FSIP2: variants seen among roughly 807,000 people sequenced by gnomAD.
FSIP2 encodes the protein fibrous sheath-interacting protein 2.
FSIP2 carries 367 observed loss-of-function variants against 510.5 expected under a neutral mutation model. The observed-to-expected ratio is 0.72, with a 90% confidence interval of 0.66 to 0.78. The LOEUF (loss-of-function observed/expected upper bound fraction) is 0.78. Ranked by LOEUF, FSIP2 falls within the 30% of genes least tolerant of loss-of-function variation. FSIP2 has a pLI of 0.00. For missense variants in FSIP2, 7,594 were observed against 7,901.7 expected (o/e 0.96, Z 1.48); for synonymous variants, 2,601 against 2,732.2 (o/e 0.95, Z 1.50).
rs771652497 is a variant in FSIP2, at chr2:185,797,897, C to T, written c.10390+371C>T. Among the ~76,000 whole-genome samples the T allele has an allele frequency of 6.6e-5, 10 of 151,812 alleles. 1 individual carries two copies. The highest frequency in any genetic ancestry group is 1.7e-4 in the African/African-American group (7 of 41,434). ...GTAGAGACAGGGTTTTGCTATGTTG[C>T]GCAGGCTGGTCTCAAACTCCTGGCC... On this transcript the variant is annotated intron_variant, in intron 16 of 22. Coordinates refer to ENST00000424728, the MANE Select transcript of FSIP2 (RefSeq NM_173651.4).
Position 185,738,803 on chromosome 2 carries a change from CA to C in FSIP2, c.-91del. 6.5e-7 allele frequency: 1 copy of C among 1,535,952 alleles called. No individual in the cohort carries two copies. Among genetic ancestry groups the C allele is most frequent in the African/African-American group, 1.4e-5 (1 of 73,164 alleles). On this transcript the variant is annotated 5_prime_UTR_variant, in exon 1 of 23. Coordinates refer to ENST00000424728, the MANE Select transcript of FSIP2 (RefSeq NM_173651.4). ...GGGGCTGAGGTCGTTGGGCTCTGGC[CA>C]TTCCTGGTCAGGTCCGGACAGAGGG...
intron 21 of FSIP2, among the ~76,000 whole-genome samples, chr2:185,828,893 C>T (rs1694061238): frequency 1.3e-5 from 2 of 151,850 alleles, no homozygotes; most frequent in Non-Finnish European, 2.9e-5. Context: ...TATGGAGTTA[C>T]TTCTCAGTAT....
chr2:185,824,531 G>GTTT, intron 20 of FSIP2, 51 bp downstream of exon 20: 3 of 903,566 alleles, frequency 3.3e-6, no homozygotes, highest in South Asian at 1.7e-5. Context: ...ACTTTGATGT[G>GTTT]TTTTTTTTTT....
intron 14 of FSIP2, among the ~76,000 whole-genome samples, chr2:185,785,427 AG>A (rs1283378490): frequency 1.3e-5 from 2 of 152,020 alleles, no homozygotes; most frequent in Admixed American, 6.6e-5. Flanking sequence ...TTATATCCCT[AG>A]GGGGAAATGT....
rs554018493 is a variant in FSIP2 at position 185,792,417 on chromosome 2, A to C, written c.5281A>C (p.Thr1761Pro). ...TCTTAAACAATGGGCTCTCGAAAAA[A>C]CCTTAAACAAAATTGAAGTAAAACT... Reference protein sequence around the residue: ...RSLKQWALEKTLNKIEVKLKE... With the variant: ...RSLKQWALEKPLNKIEVKLKE... Residue 1761 changes from threonine to proline, a missense_variant, in exon 16 of 23, where the codon ACC (threonine) becomes CCC (proline). Coordinates refer to ENST00000424728, the MANE Select transcript of FSIP2 (RefSeq NM_173651.4). 6.5e-7 allele frequency: 1 copy of C among 1,533,834 alleles called. No homozygotes were observed. The highest frequency in any genetic ancestry group is 8.7e-7 in the Non-Finnish European group (1 of 1,145,380).
In FSIP2 at chr2:185,812,495, G is replaced by A. The variant is rs1351975075; in HGVS notation, c.19828-1050G>A. Reference sequence around the variant, plus strand: ...TAAGGCATGTGATTGGCACCAATCGGGCTACCAATATTATCTATCTTCAAC... The same window carrying A: ...TAAGGCATGTGATTGGCACCAATCGAGCTACCAATATTATCTATCTTCAAC... On this transcript the variant is annotated intron_variant, in intron 17 of 22. Coordinates refer to ENST00000424728, the MANE Select transcript of FSIP2 (RefSeq NM_173651.4). Among the ~76,000 whole-genome samples, 5 of 152,086 alleles carry A rather than the reference G, an allele frequency of 3.3e-5. No homozygotes were observed. The East Asian group carries it at 7.8e-4, about 24-fold the overall frequency.
upstream of FSIP2, among the ~76,000 whole-genome samples, chr2:185,737,219 T>G (rs571711976): frequency 1.3e-5 from 2 of 152,284 alleles, no homozygotes; most frequent in Admixed American, 1.3e-4. Flanking sequence ...TCCATCACTG[T>G]AAGGTAATAT....
At chr2:185,740,216 T>C (rs1407533383) in intron 2 of FSIP2, among the ~76,000 whole-genome samples, 4 of 152,114 alleles carry the variant, frequency 2.6e-5, no homozygotes, top group South Asian at 2.1e-4. Flanking sequence ...ATCAAGATTC[T>C]CTGAACTGTG....
intron 7 of FSIP2, among the ~76,000 whole-genome samples, chr2:185,748,551 C>T (rs561915933): frequency 2.6e-5 from 4 of 152,018 alleles, no homozygotes; most frequent in East Asian, 3.9e-4. Context: ...CTCTGGGCGG[C>T]AGAGCAAGAC....
Position 185,806,354 on chromosome 2 carries a change from A to G in FSIP2, c.17048A>G (p.Asn5683Ser). ...DYEHVQNVIE[N>S]IFEDVLELSS... ...GAACATGTTCAAAATGTCATTGAAA[A>G]TATTTTTGAAGATGTTTTAGAACTA... The change falls in exon 17 of 23, where the codon AAT becomes AGT. Residue 5683 changes from asparagine to serine, a missense_variant. Coordinates refer to ENST00000424728, the MANE Select transcript of FSIP2 (RefSeq NM_173651.4). 1.2e-6 allele frequency: 2 copies of G among 1,610,494 alleles called. No individual in the cohort carries two copies. Among genetic ancestry groups the G allele is most frequent in the Non-Finnish European group, 1.7e-6 (2 of 1,178,176 alleles).
chr2:185,793,756 C>T lies in FSIP2; in HGVS notation c.6620C>T (p.Thr2207Ile). ...DCQQPLKGSK[T>I]ERKTERFSYS... is the part of the protein sequence containing the mutation. Reference sequence around the variant, plus strand: ...CAACAGCCTCTTAAGGGGTCAAAAACTGAAAGAAAAACAGAGCGTTTTTCA... The same window carrying T: ...CAACAGCCTCTTAAGGGGTCAAAAATTGAAAGAAAAACAGAGCGTTTTTCA... Residue 2207 changes from threonine (T) to isoleucine (I), a missense_variant, in exon 16 of 23, where the codon ACT becomes ATT. Transcript: ENST00000424728. 6 of 1,533,020 alleles carry T rather than the reference C, an allele frequency of 3.9e-6. No individual in the cohort carries two copies. Among genetic ancestry groups the T allele is most frequent in the Non-Finnish European group, 5.2e-6 (6 of 1,145,342 alleles). The allele number at this position is 1,533,020 out of a possible 1,614,324, so 95.0% of individuals were successfully genotyped here. A position where few individuals can be genotyped will look rare whatever the true frequency, so the allele number is the denominator to read the frequency against.
At position 185,794,320 on chromosome 2, in the gene FSIP2, G is replaced by A. The variant is rs1289801119; in HGVS notation, c.7184G>A (p.Ser2395Asn). ...ENIIVSEIVD[S>N]MLKMLDDKRS... is the part of the protein sequence containing the mutation. ...ATCATTGTGAGTGAAATTGTTGACAGTATGTTAAAGATGTTAGATGATAAA... is the reference window on the plus strand; with the variant it reads ...ATCATTGTGAGTGAAATTGTTGACAATATGTTAAAGATGTTAGATGATAAA... The change falls in exon 16 of 23, where the codon AGT (serine) becomes AAT (asparagine). Residue 2395 changes from serine (S) to asparagine (N), a missense_variant. Transcript: ENST00000424728. The A allele has an allele frequency of 6.6e-7, 1 of 1,520,884 alleles. No homozygotes were observed. Among genetic ancestry groups the A allele is most frequent in the Non-Finnish European group, 8.8e-7 (1 of 1,139,876 alleles). 94.2% of individuals were successfully genotyped at this position (1,520,884 alleles called of 1,614,324 possible).
intron 11 of FSIP2, 106 bp from the exon 12 acceptor site, chr2:185,763,077 T>A (rs903904541): frequency 1.3e-5 from 8 of 615,658 alleles, no homozygotes; most frequent in African/African-American, 1.8e-5. Context: ...CTAGTCACTG[T>A]GGCAGCTGAG....
intron 13 of FSIP2, among the ~76,000 whole-genome samples, chr2:185,775,923 A>C (rs563421257): frequency 6.6e-6 from 1 of 152,150 alleles, no homozygotes; most frequent in Non-Finnish European, 1.5e-5. Context: ...TTTGCCTTCT[A>C]AAGTGTTGGG....
rs1340007457 is a variant in FSIP2, at chr2:185,792,370, G to C, written c.5234G>C (p.Arg1745Thr). Residue 1745 changes from arginine to threonine, a missense_variant, in exon 16 of 23, where the codon AGA becomes ACA. Coordinates refer to ENST00000424728, the MANE Select transcript of FSIP2 (RefSeq NM_173651.4). ...ATTATTGATGAGAGATCCCCACAAA[G>C]AGAAGAAGTGAAAACACGTTCTCTT... is the stretch of plus-strand genomic sequence containing the variant. ...KKIIDERSPQ[R>T]EEVKTRSLKQ... 1.3e-6 allele frequency: 2 copies of C among 1,531,576 alleles called. No homozygotes were observed. Among genetic ancestry groups the C allele is most frequent in the South Asian group, 1.2e-5 (1 of 83,328 alleles). 94.9% of individuals were successfully genotyped at this position (1,531,576 alleles called of 1,614,324 possible). A position where few individuals can be genotyped will look rare whatever the true frequency, so the allele number is the denominator to read the frequency against.
intron 7 of FSIP2, among the ~76,000 whole-genome samples, chr2:185,752,082 T>G (rs1213266280): frequency 6.6e-6 from 1 of 151,230 alleles, no homozygotes. Context: ...TTTTTCTGTC[T>G]GAAGGGCTTT....
At chr2:185,739,153 T>C in intron 1 of FSIP2, 160 bp downstream of exon 1, 1 of 1,177,636 alleles carries the variant, frequency 8.5e-7, no homozygotes, top group South Asian at 1.6e-5. Flanking sequence ...TGGCTCGGAC[T>C]GTACCGGCCG....
At chr2:185,787,849 C>T (rs11901876) in intron 15 of FSIP2, among the ~76,000 whole-genome samples, 6,804 of 151,532 alleles carry the variant, frequency 0.045, 506 homozygotes, top group African/African-American at 0.16. Context: ...TCTAGCTTGG[C>T]TTTTATTTTC....
chr2:185,809,759 A>C (rs6434143), intron 17 of FSIP2, among the ~76,000 whole-genome samples: 82,585 of 151,618 alleles, frequency 0.54, 22,734 homozygotes, highest in South Asian at 0.64. Context: ...TTTTTTTAAA[A>C]CCAGCTGCAG....
Sources: allele counts gnomAD v4.1 joint callset (sites outside exome capture counted in the v4.1 genomes callset), GRCh38; gene constraint gnomAD v4.1.1; transcripts MANE v1.5; gene names NCBI Gene and HGNC (gene_info 2026-07-23, HGNC 2026-07-21).